Variants in DENND6A observed in about 807,000 individuals in gnomAD.
DENND6A encodes DENN domain containing 6A.
Under a neutral mutation model 95.5 loss-of-function variants are expected in DENND6A, and 43 were observed. That is an observed-to-expected ratio of 0.45 (90% CI 0.35 to 0.58). The LOEUF (loss-of-function observed/expected upper bound fraction) is 0.58. Ranked by LOEUF, DENND6A falls within the 20% of genes least tolerant of loss-of-function variation. DENND6A has a pLI of 0.00. For synonymous variants in DENND6A, 257 were observed against 260.4 expected, an observed-to-expected ratio of 0.99 and a Z score of 0.13; for missense variants, 574 against 736.0, an observed-to-expected ratio of 0.78 and a Z score of 2.55.
chr3:57,682,774 C>T (rs374812473), intron 1 of DENND6A, among the ~76,000 whole-genome samples: 253 of 152,260 alleles, frequency 1.7e-3, no homozygotes, highest in African/African-American at 5.7e-3. Flanking sequence ...CTCCCAAGTT[C>T]AAGCGATTCT....
rs147160517 is a variant in DENND6A, at chr3:57,686,673, G to T, written c.237+6109C>A. Among the ~76,000 whole-genome samples the T allele has an allele frequency of 4.4e-3, 672 of 152,154 alleles. 4 individuals carry two copies. The highest frequency in any genetic ancestry group is 7.7e-3 in the Non-Finnish European group (521 of 68,008). ...ATAAGTTATCTTTGATGTTACTATT[G>T]TAATTGTTTGGGGGCACCACAAACC... On this transcript the variant is annotated intron_variant, in intron 1 of 19. Coordinates refer to ENST00000311128, the MANE Select transcript of DENND6A (RefSeq NM_152678.3).
Position 57,649,640 on chromosome 3 carries a change from AAAT to A in DENND6A, c.819-3205_819-3203del, listed in dbSNP as rs1456675197. On this transcript the variant is annotated intron_variant, in intron 9 of 19. Transcript: ENST00000311128. ...CATCAATCAATGAGTGAAAAAAAAAAAATATATATATATATAGTTGTATGTGTG... is the reference window on the plus strand; with the variant it reads ...CATCAATCAATGAGTGAAAAAAAAAAATATATATATATAGTTGTATGTGTG... Among the ~76,000 whole-genome samples the A allele has an allele frequency of 4.8e-3, 711 of 147,484 alleles. 3 individuals carry two copies. Among genetic ancestry groups the A allele is most frequent in the African/African-American group, 0.016 (644 of 39,988 alleles).
At chr3:57,628,478 TA>T in intron 19 of DENND6A, 133 bp from the exon 20 acceptor site, 1 of 1,283,152 alleles carries the variant, frequency 7.8e-7, no homozygotes, top group Non-Finnish European at 1.0e-6. Context: ...TTACAGAAAC[TA>T]AAAAAGCAAG....
chr3:57,693,019 C>T lies in DENND6A; in HGVS notation c.-1G>A. ...AGCCCGCAGGGCCCCTCAAAGCCAT[C>T]GGCCGCCCCCTGACCGTTCGCGCCG... is the stretch of plus-strand genomic sequence containing the variant. On this transcript the variant is annotated 5_prime_UTR_variant, in exon 1 of 20. Coordinates refer to ENST00000311128, the MANE Select transcript of DENND6A (RefSeq NM_152678.3). The T allele has an allele frequency of 2.1e-6, 3 of 1,459,750 alleles. No homozygotes were observed. The highest frequency in any genetic ancestry group is 2.7e-6 in the Non-Finnish European group (3 of 1,118,536). The allele number at this position is 1,459,750 out of a possible 1,614,324, so 90.4% of individuals were successfully genotyped here.
At chr3:57,643,060 TGAG>T (rs2070985644) in intron 11 of DENND6A, among the ~76,000 whole-genome samples, 1 of 149,478 alleles carries the variant, frequency 6.7e-6, no homozygotes, top group Non-Finnish European at 1.5e-5. Context: ...AGTTATCTTA[TGAG>T]GAGAGAAGGG....
intron 5 of DENND6A, among the ~76,000 whole-genome samples, chr3:57,662,851 G>A (rs545973970): frequency 6.6e-6 from 1 of 151,950 alleles, no homozygotes; most frequent in Admixed American, 6.6e-5. Flanking sequence ...AGGCACGGTG[G>A]CTCATGCCTG....
intron 1 of DENND6A, among the ~76,000 whole-genome samples, chr3:57,688,735 A>G (rs1472039642): frequency 1.3e-5 from 2 of 151,634 alleles, no homozygotes; most frequent in Admixed American, 1.3e-4. Flanking sequence ...TCCAAATCCC[A>G]CAGGTTCATC....
At position 57,663,689 on chromosome 3, in the gene DENND6A, C is replaced by T; in HGVS notation, c.460G>A (p.Val154Met). The change falls in exon 5 of 20, where the codon GTG becomes ATG. Residue 154 changes from valine (V) to methionine (M), a missense_variant. By Grantham distance (21) the Val-to-Met change is conservative. Transcript: ENST00000311128. The stretch of plus-strand genomic sequence containing the variant: ...TTATCTCGAACTTGTCGGAAATACA[C>T]ATATCCATAAAAATAAGCAGGATCC... Reference protein sequence around the residue: ...KKDPAYFYGYVYFRQVRDKTL... With the variant: ...KKDPAYFYGYMYFRQVRDKTL... 1 of 1,582,202 alleles carries T rather than the reference C, an allele frequency of 6.3e-7. No individual in the cohort carries two copies. The highest frequency in any genetic ancestry group is 8.6e-7 in the Non-Finnish European group (1 of 1,162,340).
intron 17 of DENND6A, 61 bp downstream of exon 17, chr3:57,630,654 T>C: frequency 6.4e-7 from 1 of 1,563,172 alleles, no homozygotes. Context: ...AAGTTTAGCT[T>C]TTTGTTTTGC....
chr3:57,689,953 A>G (rs969286751), intron 1 of DENND6A, among the ~76,000 whole-genome samples: 4 of 151,492 alleles, frequency 2.6e-5, no homozygotes, highest in African/African-American at 4.9e-5. Flanking sequence ...ATTCATAGAT[A>G]CTCAGGAGGA....
chr3:57,692,757 G>A (rs2077282005), intron 1 of DENND6A, 25 bp downstream of exon 1: 2 of 1,439,388 alleles, frequency 1.4e-6, no homozygotes, highest in African/African-American at 1.5e-5. Flanking sequence ...GAGGAGCGCC[G>A]AGAAAGGGCG....
intron 11 of DENND6A, among the ~76,000 whole-genome samples, chr3:57,643,861 C>G (rs1199335124): frequency 2.0e-5 from 3 of 150,946 alleles, no homozygotes; most frequent in African/African-American, 7.3e-5. Context: ...AAATAATTAT[C>G]AGTCTGGGCC....
intron 12 of DENND6A, among the ~76,000 whole-genome samples, chr3:57,637,735 A>G (rs1195293405): frequency 6.6e-6 from 1 of 151,440 alleles, no homozygotes; most frequent in Non-Finnish European, 1.5e-5. Flanking sequence ...CCAAATATAC[A>G]AGCAATACAA....
chr3:57,635,140 A>C (rs552008966), intron 12 of DENND6A, among the ~76,000 whole-genome samples: 1 of 152,356 alleles, frequency 6.6e-6, no homozygotes, highest in Non-Finnish European at 1.5e-5. Context: ...CTTTAAGTAT[A>C]AATGGAATAG....
At chr3:57,690,510 G>C (rs1365745296) in intron 1 of DENND6A, among the ~76,000 whole-genome samples, 1 of 151,630 alleles carries the variant, frequency 6.6e-6, no homozygotes, top group Admixed American at 6.6e-5. Flanking sequence ...AACAGAGCAA[G>C]ACTCTCTCTC....
At chr3:57,631,237 C>A (rs908525068) in intron 15 of DENND6A, 2 of 373,320 alleles carry the variant, frequency 5.4e-6, no homozygotes, top group South Asian at 7.0e-5. Context: ...TGTTCTGTTG[C>A]GCAGGCTGGA....
chr3:57,661,105 C>G (rs1199079380), intron 6 of DENND6A, among the ~76,000 whole-genome samples: 4 of 151,860 alleles, frequency 2.6e-5, no homozygotes, highest in Admixed American at 2.6e-4. Flanking sequence ...TACTAATTAG[C>G]TACAAAAGCA....
chr3:57,672,805 A>AT (rs1553743842), intron 1 of DENND6A, among the ~76,000 whole-genome samples: 2 of 151,616 alleles, frequency 1.3e-5, no homozygotes, highest in Non-Finnish European at 2.9e-5. Context: ...CAAACAAAAA[A>AT]ATATATATAT....
chr3:57,630,860 A>G (rs201738248), intron 16 of DENND6A, 36 bp from the exon 17 acceptor site: 2 of 1,610,594 alleles, frequency 1.2e-6, no homozygotes, highest in African/African-American at 1.3e-5. Flanking sequence ...AGAAATTAGG[A>G]GTGGATATGT....
Sources: allele counts gnomAD v4.1 joint callset (sites outside exome capture counted in the v4.1 genomes callset), GRCh38; gene constraint gnomAD v4.1.1; transcripts MANE v1.5; gene names NCBI Gene and HGNC (gene_info 2026-07-23, HGNC 2026-07-21).